Variants in MOBP observed in about 807,000 individuals in gnomAD.
MOBP encodes myelin associated oligodendrocyte basic protein.
MOBP carries 5 observed loss-of-function variants against 15.0 expected under a neutral mutation model. The observed-to-expected ratio is 0.33, with a 90% CI of 0.17 to 0.70. MOBP has a LOEUF of 0.70. MOBP is among the 30% of genes least tolerant of loss of function. MOBP has a pLI of 0.67. For missense variants in MOBP, 188 were observed against 257.8 expected, an observed-to-expected ratio of 0.73 and a Z score of 1.85; for synonymous variants, 88 against 99.0, an observed-to-expected ratio of 0.89 and a Z score of 0.66.
chr3:39,508,699 G>A (rs1413741758), intron 4 of MOBP, among the ~76,000 whole-genome samples: 7 of 151,844 alleles, frequency 4.6e-5, no homozygotes, highest in Admixed American at 1.3e-4. Flanking sequence ...ACAGGCATGC[G>A]CCACCATGCC....
Position 39,502,874 on chromosome 3 carries a change from C to T in MOBP, c.546C>T (p.Phe182=). The part of the protein sequence containing the change: ...RGGSPVKASR[F]W ...GGTCCCCCGTCAAAGCTTCTAGGTT[C>T]TGGTAACACCATCTCTTCCCTTTTG... The change falls in exon 4 of 4, where the codon TTC becomes TTT. Residue 182 remains phenylalanine, a synonymous_variant. Coordinates refer to ENST00000684792, the MANE Select transcript of MOBP (RefSeq NM_001393704.1). This position sits in a 1 kb window ranked among gnomAD's most constrained non-coding sequence, Gnocchi z 6.3. The T allele has an allele frequency of 1.6e-6, 2 of 1,253,380 alleles. No individual in the cohort carries two copies. The highest frequency in any genetic ancestry group is 2.2e-6 in the Non-Finnish European group (2 of 914,540). The allele number at this position is 1,253,380 out of a possible 1,614,324, so 77.6% of individuals were successfully genotyped here. A position where few individuals can be genotyped will look rare whatever the true frequency, so the allele number is the denominator to read the frequency against.
chr3:39,498,431 A>G (rs1429684886), intron 2 of MOBP, among the ~76,000 whole-genome samples: 2 of 151,978 alleles, frequency 1.3e-5, no homozygotes, highest in African/African-American at 2.4e-5. Flanking sequence ...GCTCGCTGCA[A>G]TCTCCGCCTC....
downstream of MOBP, chr3:39,526,848 CTCACTGCAATCT>C (rs918493102): frequency 7.3e-6 from 1 of 136,572 alleles, no homozygotes; most frequent in African/African-American, 2.8e-5. Flanking sequence ...GCGACCTTGG[CTCACTGCAATCT>C]TCACCTCCCG....
intron 2 of MOBP, 58 bp downstream of exon 2, chr3:39,480,181 G>A (rs529184262): frequency 2.0e-5 from 3 of 152,212 alleles, no homozygotes; most frequent in Admixed American, 6.5e-5. Context: ...GCATAATGAT[G>A]ACTAGTATTC....
At chr3:39,481,454 A>C (rs73826439) in intron 2 of MOBP, among the ~76,000 whole-genome samples, 2,406 of 152,256 alleles carry the variant, frequency 0.016, 63 homozygotes, top group African/African-American at 0.053. Flanking sequence ...TTTTCTCAAG[A>C]ATATTAATTA....
At chr3:39,471,284 C>CA (rs1318970606) in intron 1 of MOBP, among the ~76,000 whole-genome samples, 4 of 151,994 alleles carry the variant, frequency 2.6e-5, no homozygotes, top group Non-Finnish European at 5.9e-5. Context: ...CTCGTGCCAC[C>CA]ACGCCCAGCT....
At chr3:39,505,138 T>G (rs2043032132), downstream of MOBP, among the ~76,000 whole-genome samples, 1 of 152,242 alleles carries the variant, frequency 6.6e-6, no homozygotes, top group Non-Finnish European at 1.5e-5. Context: ...TTCACAAGGT[T>G]GTCCTTGCCT....
intron 2 of MOBP, among the ~76,000 whole-genome samples, chr3:39,498,437 G>A (rs1053887629): frequency 2.0e-5 from 3 of 151,914 alleles, no homozygotes; most frequent in African/African-American, 7.3e-5. Context: ...TGCAATCTCC[G>A]CCTCCCGGGT....
intron 3 of MOBP, among the ~76,000 whole-genome samples, chr3:39,523,571 T>G (rs2043294970): frequency 6.6e-6 from 1 of 152,232 alleles, no homozygotes; most frequent in Non-Finnish European, 1.5e-5. Context: ...TTCTTTTTTT[T>G]ATTTTTAAAA....
At chr3:39,516,729 A>G (rs970337169), downstream of MOBP, among the ~76,000 whole-genome samples, 2 of 152,238 alleles carry the variant, frequency 1.3e-5, no homozygotes, top group African/African-American at 4.8e-5. Flanking sequence ...CTACAACTTC[A>G]TATTTAGATC....
chr3:39,468,828 T>G (rs1003126802), intron 1 of MOBP, among the ~76,000 whole-genome samples: 13 of 116,222 alleles, frequency 1.1e-4, no homozygotes, highest in African/African-American at 6.2e-4. Flanking sequence ...ACATATTACA[T>G]ATGTGTGTAT....
At chr3:39,469,413 TA>T (rs1157147507) in intron 1 of MOBP, among the ~76,000 whole-genome samples, 2 of 151,128 alleles carry the variant, frequency 1.3e-5, no homozygotes, top group Non-Finnish European at 2.9e-5. Context: ...TGGAATTAAT[TA>T]AAATTTATTT....
At chr3:39,525,917 G>T (rs2043318163), downstream of MOBP, 1 of 152,210 alleles carries the variant, frequency 6.6e-6, no homozygotes, top group Non-Finnish European at 1.5e-5. Context: ...AGGTAGAAAT[G>T]TTTCTCTTGC....
At chr3:39,513,563 C>T (rs2043149353) in exon 5 of MOBP, 2 of 826,338 alleles carry the variant, frequency 2.4e-6, no homozygotes, top group Non-Finnish European at 3.9e-6. Context: ...TGCTGATGCT[C>T]ATGGTCCCCA....
downstream of MOBP, chr3:39,524,972 T>G (rs944360990): frequency 6.6e-6 from 1 of 152,170 alleles, no homozygotes. Flanking sequence ...TAATATACTA[T>G]GCATAAATTT....
intron 2 of MOBP, 96 bp from the exon 3 acceptor site, chr3:39,501,970 G>T: frequency 9.8e-7 from 1 of 1,020,278 alleles, no homozygotes; most frequent in South Asian, 1.4e-5. Flanking sequence ...TGTTACCTTG[G>T]ATTATGGGAG....
chr3:39,473,290 C>A (rs2042496648), intron 1 of MOBP, among the ~76,000 whole-genome samples: 1 of 152,174 alleles, frequency 6.6e-6, no homozygotes, highest in Non-Finnish European at 1.5e-5. Context: ...ATTGAAAAGA[C>A]AGTGTTTTAC....
In MOBP at chr3:39,502,034, T is replaced by G. The variant is rs1286258837; in HGVS notation, c.-4-32T>G. The G allele has an allele frequency of 5.7e-6, 9 of 1,585,356 alleles. No homozygotes were observed. Among genetic ancestry groups the G allele is most frequent in the Non-Finnish European group, 6.1e-6 (7 of 1,155,514 alleles). ...CCCTTTCCTGATGTGCGTTTATGTC[T>G]CCTCCTGTCTCCTTGCATCGGCGAT... On this transcript the variant is annotated intron_variant, in intron 2 of 3. Transcript: ENST00000684792. This position sits in a 1 kb window ranked among gnomAD's most constrained non-coding sequence, Gnocchi z 6.3.
chr3:39,470,830 C>G (rs552145980), intron 1 of MOBP, among the ~76,000 whole-genome samples: 1 of 152,228 alleles, frequency 6.6e-6, no homozygotes, highest in Admixed American at 6.5e-5. Context: ...ATATTACTAC[C>G]AGTATGATCT....
Sources: allele counts gnomAD v4.1 joint callset (sites outside exome capture counted in the v4.1 genomes callset), GRCh38; gene constraint gnomAD v4.1.1; non-coding constraint Gnocchi (gnomAD v3.1); transcripts MANE v1.5; gene names NCBI Gene and HGNC (gene_info 2026-07-23, HGNC 2026-07-21).